Variants in SGF29 observed in about 807,000 individuals in gnomAD.
SGF29 encodes the protein SAGA-associated factor 29.
Under a neutral mutation model 38.1 loss-of-function variants are expected in SGF29, and 15 were observed. The ratio of observed to expected loss-of-function variants is 0.39; its 90% CI spans 0.26 to 0.61. The LOEUF (loss-of-function observed/expected upper bound fraction) is 0.61. Among genes scored for constraint, SGF29 ranks in the 20% least tolerant of loss-of-function variants. The pLI, the probability that SGF29 is intolerant of heterozygous loss-of-function variation, is 0.49. For missense variants in SGF29, 184 were observed against 394.6 expected (o/e 0.47, Z 4.52); for synonymous variants, 151 against 160.8 (o/e 0.94, Z 0.46).
intron 1 of SGF29, among the ~76,000 whole-genome samples, chr16:28,563,705 G>A (rs1296114636): frequency 6.8e-6 from 1 of 147,708 alleles, no homozygotes; most frequent in Non-Finnish European, 1.5e-5. Flanking sequence ...TGTTTTTCTA[G>A]AGAAACAGAC....
chr16:28,582,185 C>T (rs756504246), intron 2 of SGF29, among the ~76,000 whole-genome samples: 18 of 152,088 alleles, frequency 1.2e-4, no homozygotes, highest in Non-Finnish European at 2.1e-4. Flanking sequence ...CAGAAGATGC[C>T]GGCACTCATT....
At chr16:28,587,573 C>A (rs906145546) in intron 4 of SGF29, among the ~76,000 whole-genome samples, 1 of 152,218 alleles carries the variant, frequency 6.6e-6, no homozygotes, top group African/African-American at 2.4e-5. Flanking sequence ...CATCTTCTGG[C>A]CCTGGCCTGG....
At chr16:28,562,043 T>C (rs1157668516) in intron 1 of SGF29, among the ~76,000 whole-genome samples, 3 of 152,204 alleles carry the variant, frequency 2.0e-5, no homozygotes, top group East Asian at 3.9e-4. Flanking sequence ...CACTACCCAG[T>C]AGGCAAAGCT....
chr16:28,584,859 T>C, intron 2 of SGF29, 54 bp from the exon 3 acceptor site: 1 of 1,328,370 alleles, frequency 7.5e-7, no homozygotes, highest in Middle Eastern at 2.3e-4. Context: ...GCTGGCAGGG[T>C]ACCACAGCAG....
intron 1 of SGF29, among the ~76,000 whole-genome samples, chr16:28,578,016 T>C (rs2046904936): frequency 6.6e-6 from 1 of 152,104 alleles, no homozygotes; most frequent in Non-Finnish European, 1.5e-5. Flanking sequence ...TTTTTAAAGT[T>C]AAAAAATTTA....
chr16:28,576,972 G>A (rs1176662593), intron 1 of SGF29, among the ~76,000 whole-genome samples: 1 of 152,092 alleles, frequency 6.6e-6, no homozygotes, highest in Non-Finnish European at 1.5e-5. Flanking sequence ...TCAGACATTC[G>A]AGACCGGCCT....
intron 1 of SGF29, among the ~76,000 whole-genome samples, chr16:28,572,958 G>T (rs1411681814): frequency 6.6e-6 from 1 of 151,638 alleles, no homozygotes; most frequent in Non-Finnish European, 1.5e-5. Context: ...CTTCTTGCTC[G>T]CTGGCCTCCC....
chr16:28,591,066 C>A, intron 9 of SGF29, 131 bp downstream of exon 9: 1 of 1,172,198 alleles, frequency 8.5e-7, no homozygotes, highest in Non-Finnish European at 1.2e-6. Context: ...GACCCACCAG[C>A]TGCCCTCCCT....
chr16:28,591,294 C>T (rs542001397), intron 9 of SGF29, among the ~76,000 whole-genome samples: 4 of 152,328 alleles, frequency 2.6e-5, no homozygotes, highest in African/African-American at 9.6e-5. Flanking sequence ...TGCCCTCAGT[C>T]CTCTCAACAA....
chr16:28,564,726 T>C (rs12929123), intron 1 of SGF29, among the ~76,000 whole-genome samples: 27 of 44,562 alleles, frequency 6.1e-4, no homozygotes, highest in Non-Finnish European at 1.2e-3. Flanking sequence ...TGTATATATA[T>C]ACATATATAT....
chr16:28,570,667 C>T (rs2046859732), intron 1 of SGF29, among the ~76,000 whole-genome samples: 1 of 151,562 alleles, frequency 6.6e-6, no homozygotes, highest in African/African-American at 2.4e-5. Flanking sequence ...CAACCTCTGC[C>T]TCCCAGGTTT....
chr16:28,591,009 C>T, intron 9 of SGF29, 74 bp downstream of exon 9: 1 of 1,474,006 alleles, frequency 6.8e-7, no homozygotes, highest in Non-Finnish European at 9.1e-7. Context: ...GGGGTCCTCT[C>T]CCCACTCCTT....
chr16:28,585,421 T>TA, intron 3 of SGF29: 1 of 592,016 alleles, frequency 1.7e-6, no homozygotes, highest in East Asian at 2.8e-5. Flanking sequence ...GGAGAAAAGG[T>TA]AAGACAGTAC....
chr16:28,591,530 G>C (rs537129278), intron 9 of SGF29, 60 bp from the exon 10 acceptor site: 27 of 1,172,920 alleles, frequency 2.3e-5, no homozygotes, highest in Non-Finnish European at 3.1e-5. Context: ...CTGGGGGAAG[G>C]GGGTGCCTGT....
intron 1 of SGF29, among the ~76,000 whole-genome samples, chr16:28,580,130 A>G (rs983236609): frequency 1.3e-5 from 2 of 152,180 alleles, no homozygotes; most frequent in African/African-American, 4.8e-5. Context: ...GGCTAAGGGC[A>G]TGCTATCTTT....
chr16:28,555,475 C>G (rs967540155), intron 1 of SGF29, among the ~76,000 whole-genome samples: 24 of 152,086 alleles, frequency 1.6e-4, no homozygotes, highest in African/African-American at 5.6e-4. Context: ...GACCCTGTCT[C>G]AAAAAAGAGT....
At chr16:28,570,943 A>C (rs2046861400) in intron 1 of SGF29, among the ~76,000 whole-genome samples, 1 of 152,068 alleles carries the variant, frequency 6.6e-6, no homozygotes, top group African/African-American at 2.4e-5. Context: ...TGCTAGAATG[A>C]GTTTCTATTT....
At chr16:28,554,346 C>G (rs7191618) in intron 1 of SGF29, among the ~76,000 whole-genome samples, 59,513 of 151,836 alleles carry the variant, frequency 0.39, 12,150 homozygotes, top group Admixed American at 0.43. Flanking sequence ...CTTCCATCCC[C>G]GGCGAGGGTG....
chr16:28,579,088 G>C (rs1277500234), intron 1 of SGF29, among the ~76,000 whole-genome samples: 2 of 151,316 alleles, frequency 1.3e-5, no homozygotes, highest in Non-Finnish European at 3.0e-5. Context: ...CCCCCAGCTT[G>C]AACAAACTTT....
Sources: allele counts gnomAD v4.1 joint callset (sites outside exome capture counted in the v4.1 genomes callset), GRCh38; gene constraint gnomAD v4.1.1; transcripts MANE v1.5; gene names NCBI Gene and HGNC (gene_info 2026-07-23, HGNC 2026-07-21).